Variants in PTPRN2 observed in about 807,000 individuals in gnomAD.
The protein encoded by PTPRN2 is protein tyrosine phosphatase receptor type N2.
PTPRN2 carries 74 observed loss-of-function variants against 118.8 expected under a neutral mutation model. The ratio of observed to expected loss-of-function variants is 0.62; its 90% CI spans 0.52 to 0.76. The LOEUF is 0.76. Ranked by LOEUF, PTPRN2 falls within the 30% of genes least tolerant of loss-of-function variation. PTPRN2 has a pLI of 0.00. For missense variants in PTPRN2, 1,481 were observed against 1,394.4 expected (o/e 1.06, Z -0.99); for synonymous variants, 641 against 608.0 (o/e 1.05, Z -0.80).
intron 2 of PTPRN2, among the ~76,000 whole-genome samples, chr7:158,483,766 C>G (rs1820801491): frequency 6.6e-6 from 1 of 152,190 alleles, no homozygotes; most frequent in African/African-American, 2.4e-5. Flanking sequence ...CTAACTGTAT[C>G]CTCAGTTCTT....
intron 11 of PTPRN2, among the ~76,000 whole-genome samples, chr7:158,045,219 G>A (rs1208152959): frequency 6.6e-6 from 1 of 152,228 alleles, no homozygotes; most frequent in Non-Finnish European, 1.5e-5. Context: ...GTGGCGCACA[G>A]CAGCCCATTC....
At chr7:158,273,977 C>T (rs1193547175) in intron 3 of PTPRN2, among the ~76,000 whole-genome samples, 45 of 110,030 alleles carry the variant, frequency 4.1e-4, no homozygotes, top group South Asian at 1.3e-3. Context: ...TGGGAGGAGC[C>T]GCAGACACAG....
intron 12 of PTPRN2, among the ~76,000 whole-genome samples, chr7:157,753,856 G>T (rs985992491): frequency 5.9e-5 from 9 of 152,060 alleles, no homozygotes; most frequent in African/African-American, 2.2e-4. Context: ...TGCCAGGCAA[G>T]AACCAAAGCC....
In PTPRN2 at chr7:158,192,326, C is replaced by A; in HGVS notation, c.549+1G>T. On this transcript the variant is annotated splice_donor_variant, in intron 5 of 22. Coordinates refer to ENST00000389418, the MANE Select transcript of PTPRN2 (RefSeq NM_002847.5). LOFTEE classifies it high-confidence loss of function. ...GCCCGGGGAGGAAGTGGAAGGGTCACCTCAGCGGGGGGTCTGTCCTGCGCC... is the reference window on the plus strand; with the variant it reads ...GCCCGGGGAGGAAGTGGAAGGGTCAACTCAGCGGGGGGTCTGTCCTGCGCC... The A allele has an allele frequency of 4.1e-6, 6 of 1,469,492 alleles. No individual in the cohort carries two copies. The highest frequency in any genetic ancestry group is 4.5e-6 in the Non-Finnish European group (5 of 1,117,310). The allele number at this position is 1,469,492 out of a possible 1,614,324, so 91.0% of individuals were successfully genotyped here. A position where few individuals can be genotyped will look rare whatever the true frequency, so the allele number is the denominator to read the frequency against.
At position 158,138,309 on chromosome 7, in the gene PTPRN2, C is replaced by T; in HGVS notation, c.1117G>A (p.Gly373Arg). ...QADGPKATLR[G>R]DSFPDDGVQD... The stretch of plus-strand genomic sequence containing the variant: ...CTGCAGTCACCTGGAAAGCTGTCTC[C>T]ACGGAGGGTGGCCTTGGGGCCATCC... Residue 373 changes from glycine (G) to arginine (R), a missense_variant, in exon 7 of 23, where the codon GGA becomes AGA. Gly to Arg is a moderately radical substitution (Grantham distance 125). This residue lies in a region of PTPRN2 where 1,115 missense variants were observed against 994.2 expected (regional missense o/e 1.12). Transcript: ENST00000389418. 1.2e-6 allele frequency: 2 copies of T among 1,613,154 alleles called. No individual in the cohort carries two copies. Among genetic ancestry groups the T allele is most frequent in the Non-Finnish European group, 1.7e-6 (2 of 1,180,008 alleles).
chr7:157,544,529 G>A (rs1190711509), intron 22 of PTPRN2, among the ~76,000 whole-genome samples: 1 of 152,176 alleles, frequency 6.6e-6, no homozygotes, highest in Non-Finnish European at 1.5e-5. Context: ...CATGCGAGGG[G>A]CCTCCCGTCC....
At chr7:158,538,525 C>G (rs1420185085) in intron 1 of PTPRN2, among the ~76,000 whole-genome samples, 1 of 152,176 alleles carries the variant, frequency 6.6e-6, no homozygotes, top group Non-Finnish European at 1.5e-5. Flanking sequence ...TTCTATAATG[C>G]GTGTGTGCCT....
At chr7:157,742,314 TA>T (rs1158166466) in intron 12 of PTPRN2, among the ~76,000 whole-genome samples, 1 of 152,202 alleles carries the variant, frequency 6.6e-6, no homozygotes, top group Non-Finnish European at 1.5e-5. Context: ...ACCAGCTACT[TA>T]ACTGTATTTA....
rs377273340 is a variant in PTPRN2, at chr7:157,587,951, G to A, written c.2496+7287C>T. Among the ~76,000 whole-genome samples the A allele has an allele frequency of 1.4e-4, 21 of 149,792 alleles. No individual in the cohort carries two copies. Among genetic ancestry groups the A allele is most frequent in the Middle Eastern group, 3.5e-3 (1 of 284 alleles). On this transcript the variant is annotated intron_variant, in intron 17 of 22. Transcript: ENST00000389418. This position sits in a 1 kb window ranked among gnomAD's most constrained non-coding sequence, Gnocchi z 5.3. ...TGGCTGTCCCCGTGCCTGGGCTCCC[G>A]CGGTGGCTGTCCCCGTGCCTGGGCT... is the stretch of plus-strand genomic sequence containing the variant.
intron 2 of PTPRN2, among the ~76,000 whole-genome samples, chr7:158,328,463 C>T (rs921879626): frequency 6.6e-6 from 1 of 152,244 alleles, no homozygotes; most frequent in African/African-American, 2.4e-5. Context: ...CAGCAGAAGG[C>T]AGGGGACAGA....
chr7:157,705,908 A>C (rs1798308166), intron 12 of PTPRN2, among the ~76,000 whole-genome samples: 1 of 152,150 alleles, frequency 6.6e-6, no homozygotes, highest in Non-Finnish European at 1.5e-5. Flanking sequence ...CTTCTGGATA[A>C]AGGCGGACCA....
rs751460087 is a variant in PTPRN2, at chr7:158,563,958, G to A, written c.112+23600C>T. Among the ~76,000 whole-genome samples, 12 of 152,202 alleles carry A rather than the reference G, an allele frequency of 7.9e-5. No homozygotes were observed. Among genetic ancestry groups the A allele is most frequent in the Non-Finnish European group, 1.6e-4 (11 of 68,036 alleles). ...ATGCCACAGTGCCTGGGATGTCTAC[G>A]AAACACACATCATGACAGCTCCTGC... is the stretch of plus-strand genomic sequence containing the variant. On this transcript the variant is annotated intron_variant, in intron 1 of 22. Transcript: ENST00000389418. The surrounding 1 kb of genome is among the most constrained non-coding windows in gnomAD (Gnocchi z 5.1).
chr7:158,342,738 C>T (rs894389420), intron 2 of PTPRN2, among the ~76,000 whole-genome samples: 3 of 152,154 alleles, frequency 2.0e-5, no homozygotes, highest in African/African-American at 7.2e-5. Flanking sequence ...GGGTGCCTTG[C>T]TGGAGCCCAT....
intron 1 of PTPRN2, among the ~76,000 whole-genome samples, chr7:158,515,132 C>G (rs1319839286): frequency 6.6e-6 from 1 of 151,928 alleles, no homozygotes; most frequent in Non-Finnish European, 1.5e-5. Context: ...AGGGGCAGCC[C>G]CGGGCACACA....
rs906987751 is a variant in PTPRN2, at chr7:157,671,799, T to C, written c.2001+10926A>G. Among the ~76,000 whole-genome samples the C allele has an allele frequency of 6.6e-6, 1 of 152,138 alleles. No individual in the cohort carries two copies. The highest frequency in any genetic ancestry group is 1.5e-5 in the Non-Finnish European group (1 of 68,016). On this transcript the variant is annotated intron_variant, in intron 13 of 22. Transcript: ENST00000389418. The surrounding 1 kb of genome is among the most constrained non-coding windows in gnomAD (Gnocchi z 4.1). ...ACTGCACAAGGCCTGAAGGACGCCC[T>C]GAAGAGCTTCTTCCTACCAGACCCC...
intron 12 of PTPRN2, among the ~76,000 whole-genome samples, chr7:157,720,589 G>A (rs112094031): frequency 2.6e-5 from 4 of 152,364 alleles, no homozygotes; most frequent in South Asian, 4.1e-4. Context: ...GGGTGTGCAC[G>A]CGGGGACCGA....
intron 21 of PTPRN2, among the ~76,000 whole-genome samples, chr7:157,556,909 T>C (rs931758235): frequency 4.7e-5 from 7 of 147,850 alleles, no homozygotes; most frequent in African/African-American, 1.8e-4. Context: ...TGCACACACA[T>C]ATACACAGGA....
At chr7:157,982,879 C>A (rs1265840530) in intron 11 of PTPRN2, among the ~76,000 whole-genome samples, 1 of 144,700 alleles carries the variant, frequency 6.9e-6, no homozygotes, top group Non-Finnish European at 1.5e-5. Context: ...GGGTTCCCCC[C>A]TAAACCCCGA....
At chr7:158,070,774 G>GTA (rs545675036) in intron 11 of PTPRN2, among the ~76,000 whole-genome samples, 6 of 132,388 alleles carry the variant, frequency 4.5e-5, no homozygotes, top group Admixed American at 7.3e-5. Flanking sequence ...GGTGCTCATG[G>GTA]TGGAGGTGCC....
Sources: allele counts gnomAD v4.1 joint callset (sites outside exome capture counted in the v4.1 genomes callset), GRCh38; gene constraint gnomAD v4.1.1; regional missense constraint gnomAD v4.1.1; non-coding constraint Gnocchi (gnomAD v3.1); transcripts MANE v1.5; gene names NCBI Gene and HGNC (gene_info 2026-07-23, HGNC 2026-07-21).